FRAS1: variants seen among roughly 807,000 people sequenced by gnomAD.
FRAS1 encodes the protein extracellular matrix organizing protein FRAS1.
A neutral mutation model predicts 435.2 loss-of-function variants in FRAS1; 290 were observed. The observed-to-expected ratio is 0.67, with a 90% confidence interval of 0.61 to 0.73. The LOEUF (loss-of-function observed/expected upper bound fraction) is 0.73, where lower values mean the gene tolerates loss of function less well. Ranked by LOEUF, FRAS1 falls within the 30% of genes least tolerant of loss-of-function variation. FRAS1 has a pLI of 0.00. For synonymous variants in FRAS1, 1,800 were observed against 1,851.0 expected (o/e 0.97, Z 0.71); for missense variants, 4,860 against 5,001.5 (o/e 0.97, Z 0.85).
intron 26 of FRAS1, among the ~76,000 whole-genome samples, chr4:78,377,574 G>A (rs1458571756): frequency 6.6e-6 from 1 of 152,192 alleles, no homozygotes; most frequent in Non-Finnish European, 1.5e-5. Context: ...TCCATCAGAT[G>A]TTTCATGTGG....
intron 33 of FRAS1, among the ~76,000 whole-genome samples, chr4:78,420,886 A>ATATATATATATT (rs1733755502): frequency 2.8e-5 from 1 of 36,214 alleles, no homozygotes; most frequent in Non-Finnish European, 6.8e-5. Context: ...GGACATATAT[A>ATATATATATATT]TATATATATA....
At chr4:78,477,610 G>A (rs1719889574) in intron 54 of FRAS1, among the ~76,000 whole-genome samples, 1 of 152,168 alleles carries the variant, frequency 6.6e-6, no homozygotes, top group African/African-American at 2.4e-5. Flanking sequence ...ATACAATAAA[G>A]CAGCCCTCCT....
intron 22 of FRAS1, among the ~76,000 whole-genome samples, chr4:78,367,085 G>A (rs1731300582): frequency 6.6e-6 from 1 of 152,118 alleles, no homozygotes; most frequent in South Asian, 2.1e-4. Context: ...TATACATCAC[G>A]GTTCCACGGG....
chr4:78,362,386 C>T (rs974401204), intron 20 of FRAS1, among the ~76,000 whole-genome samples: 33 of 152,214 alleles, frequency 2.2e-4, no homozygotes, highest in African/African-American at 7.0e-4. Context: ...CTCATGGCAG[C>T]GGCACCTCAT....
Position 78,540,791 on chromosome 4 carries a change from T to G in FRAS1, c.11706T>G (p.Thr3902=), listed in dbSNP as rs781342656. ...ELAVAASLSQ[T]GASIGSALAA... ...CGGTAGCTGCGTCCCTGTCACAGAC[T>G]GGGGCGTCCATTGGCAGTGCCCTGG... The change falls in exon 74 of 74, where the codon ACT becomes ACG. Residue 3902 remains threonine (T), a synonymous_variant. Coordinates refer to ENST00000512123, the MANE Select transcript of FRAS1 (RefSeq NM_025074.7). The G allele has an allele frequency of 6.2e-7, 1 of 1,613,848 alleles. No homozygotes were observed. Among genetic ancestry groups the G allele is most frequent in the Admixed American group, 1.7e-5 (1 of 60,022 alleles).
In FRAS1 at chr4:78,270,428, G is replaced by A. The variant is rs150857567; in HGVS notation, c.981+2996G>A. 2.6e-3 allele frequency among the ~76,000 whole-genome samples: 397 copies of A among 152,252 alleles called. 1 individual carries two copies. The highest frequency in any genetic ancestry group is 5.6e-3 in the Admixed American group (86 of 15,296). On this transcript the variant is annotated intron_variant, in intron 9 of 73. Transcript: ENST00000512123. ...TCTTTTGAGGATATTTGCCTCCAGT[G>A]GAGCAGGGCAAGGCAGCTCACATTT...
rs941877200 is a variant in FRAS1, at chr4:78,542,860, T to C, written c.*1736T>C. The C allele has an allele frequency of 6.6e-6, 1 of 152,178 alleles. No individual in the cohort carries two copies. Among genetic ancestry groups the C allele is most frequent in the Non-Finnish European group, 1.5e-5 (1 of 68,046 alleles). 9.4% of individuals were successfully genotyped at this position (152,178 alleles called of 1,614,324 possible). On this transcript the variant is annotated 3_prime_UTR_variant, in exon 74 of 74. Transcript: ENST00000512123. ...AAGGGAGGAGAGAGGAAAACAATTATCTTCTCTACTTGGATTATGAGATAA... is the reference window on the plus strand; with the variant it reads ...AAGGGAGGAGAGAGGAAAACAATTACCTTCTCTACTTGGATTATGAGATAA...
intron 2 of FRAS1, among the ~76,000 whole-genome samples, chr4:78,086,033 C>T (rs974063766): frequency 7.2e-5 from 11 of 152,278 alleles, no homozygotes; most frequent in African/African-American, 1.4e-4. Context: ...AAGTAAAGCA[C>T]TCCTCAGCAA....
chr4:78,155,646 G>GAAGAAAGCTTCATT (rs1266774006), intron 2 of FRAS1, among the ~76,000 whole-genome samples: 1 of 152,204 alleles, frequency 6.6e-6, no homozygotes, highest in African/African-American at 2.4e-5. Flanking sequence ...AGGCAGTAAG[G>GAAGAAAGCTTCATT]AAGAAAGCTT....
Position 78,526,657 on chromosome 4 carries a change from G to A in FRAS1, c.10925G>A (p.Arg3642Lys). The change falls in exon 70 of 74, where the codon AGA (arginine) becomes AAA (lysine). Residue 3642 changes from arginine to lysine, a missense_variant and splice_region_variant. Coordinates refer to ENST00000512123, the MANE Select transcript of FRAS1 (RefSeq NM_025074.7). The part of the protein sequence containing the change: ...PLACTAHAPE[R>K]FLIPIAFQQT... ...GCCTGCACTGCACATGCCCCAGAAA[G>A]GTAGGAAAATATAGTCAATCCTCAT... The A allele has an allele frequency of 3.2e-6, 5 of 1,538,960 alleles. No homozygotes were observed. Among genetic ancestry groups the A allele is most frequent in the Non-Finnish European group, 4.4e-6 (5 of 1,140,706 alleles).
At chr4:78,092,273 A>G (rs1578117958) in intron 2 of FRAS1, among the ~76,000 whole-genome samples, 1 of 152,106 alleles carries the variant, frequency 6.6e-6, no homozygotes, top group South Asian at 2.1e-4. Context: ...TGTGGTCAGG[A>G]CCGGCATGTG....
intron 3 of FRAS1, among the ~76,000 whole-genome samples, chr4:78,240,208 G>A (rs1398803843): frequency 2.0e-5 from 3 of 152,174 alleles, no homozygotes; most frequent in African/African-American, 7.2e-5. Context: ...TAGGTGTAAG[G>A]GTGGAATGTC....
At chr4:78,315,492 A>G in intron 15 of FRAS1, 102 bp from the exon 16 acceptor site, 1 of 1,214,922 alleles carries the variant, frequency 8.2e-7, no homozygotes, top group Non-Finnish European at 1.1e-6. Context: ...AGAAAATGAG[A>G]TTATGATATT....
At position 78,472,213 on chromosome 4, in the gene FRAS1, AC is replaced by A; in HGVS notation, c.7407del (p.Met2470TrpfsTer14). ...TNLITKKELL[T>X]MDPDTEDAQL... ...CCTGATCACCAAGAAGGAACTGCTG[AC>A]CATGGACCCAGACACCGAGGACGCG... On this transcript the variant is annotated frameshift_variant, in exon 52 of 74. Transcript: ENST00000512123. LOFTEE classifies it high-confidence loss of function. 1 of 1,613,982 alleles carries A rather than the reference AC, an allele frequency of 6.2e-7. No individual in the cohort carries two copies. The highest frequency in any genetic ancestry group is 8.5e-7 in the Non-Finnish European group (1 of 1,179,848).
At chr4:78,482,239 C>CATAATAA (rs1578350673) in intron 57 of FRAS1, 149 bp from the exon 58 acceptor site, 1 of 878,268 alleles carries the variant, frequency 1.1e-6, no homozygotes, top group East Asian at 2.4e-5. Flanking sequence ...CTCCGAGTGG[C>CATAATAA]ATGTAATAAA....
chr4:78,194,187 C>T (rs1722690353), intron 2 of FRAS1, among the ~76,000 whole-genome samples: 1 of 152,242 alleles, frequency 6.6e-6, no homozygotes, highest in African/African-American at 2.4e-5. Flanking sequence ...CGACCTTTCT[C>T]TCTGGCTGCC....
chr4:78,485,238 T>C (rs1720132938), intron 58 of FRAS1, among the ~76,000 whole-genome samples: 1 of 152,230 alleles, frequency 6.6e-6, no homozygotes, highest in Non-Finnish European at 1.5e-5. Context: ...CTGTAATACC[T>C]GGCACACAGT....
At chr4:78,266,772 T>G (rs1157300581) in intron 7 of FRAS1, 62 bp from the exon 8 acceptor site, 9 of 1,241,624 alleles carry the variant, frequency 7.2e-6, no homozygotes, top group Non-Finnish European at 1.0e-5. Context: ...TATGTGACAG[T>G]GCTTCTATTT....
chr4:78,153,141 T>A (rs896205812), intron 2 of FRAS1, among the ~76,000 whole-genome samples: 2 of 152,166 alleles, frequency 1.3e-5, no homozygotes, highest in Admixed American at 1.3e-4. Context: ...ACTTATCTTA[T>A]CCCTAGAGGA....
Sources: allele counts gnomAD v4.1 joint callset (sites outside exome capture counted in the v4.1 genomes callset), GRCh38; gene constraint gnomAD v4.1.1; transcripts MANE v1.5; gene names NCBI Gene and HGNC (gene_info 2026-07-23, HGNC 2026-07-21).